LEPR: variants seen among roughly 807,000 people sequenced by gnomAD.
The protein encoded by LEPR is OB receptor.
A neutral mutation model predicts 114.7 loss-of-function variants in LEPR; 56 were observed. The observed-to-expected ratio is 0.49, with a 90% CI of 0.39 to 0.61. LEPR has a LOEUF of 0.61. LEPR is among the 20% of genes least tolerant of loss of function. LEPR has a pLI of 0.00. For synonymous variants in LEPR, 443 were observed against 461.4 expected, an observed-to-expected ratio of 0.96 and a Z score of 0.51; for missense variants, 1,202 against 1,352.9, an observed-to-expected ratio of 0.89 and a Z score of 1.75.
At chr1:65,452,593 G>T (rs552840252) in intron 2 of LEPR, among the ~76,000 whole-genome samples, 1 of 151,764 alleles carries the variant, frequency 6.6e-6, no homozygotes. Context: ...ATTGATTTGC[G>T]TATATTGAAC....
chr1:65,567,431 C>T (rs1241387051), intron 3 of LEPR, among the ~76,000 whole-genome samples: 1 of 152,086 alleles, frequency 6.6e-6, no homozygotes, highest in Non-Finnish European at 1.5e-5. Context: ...TTGAGGTGTT[C>T]TGATTTTAGA....
Position 65,565,553 on chromosome 1 carries a change from T to G in LEPR, c.-13T>G. ...TAGATTTACCTTTTCCAGGTGTACTTCTCTGAAGTAAGATGATTTGTCAAA... is the reference window on the plus strand; with the variant it reads ...TAGATTTACCTTTTCCAGGTGTACTGCTCTGAAGTAAGATGATTTGTCAAA... On this transcript the variant is annotated 5_prime_UTR_variant, in exon 3 of 20. Coordinates refer to ENST00000349533, the MANE Select transcript of LEPR (RefSeq NM_002303.6). The G allele has an allele frequency of 6.2e-7, 1 of 1,613,902 alleles. No homozygotes were observed. The highest frequency in any genetic ancestry group is 8.5e-7 in the Non-Finnish European group (1 of 1,179,918).
At chr1:65,518,915 T>TTTTCTTTCTTTCTC (rs1649460806) in intron 2 of LEPR, among the ~76,000 whole-genome samples, 1 of 81,192 alleles carries the variant, frequency 1.2e-5, no homozygotes, top group African/African-American at 3.9e-5. Flanking sequence ...CTTTCTTTCT[T>TTTTCTTTCTTTCTC]TCTCTCTTTC....
chr1:65,629,120 T>G (rs1469046216), intron 19 of LEPR, among the ~76,000 whole-genome samples: 1 of 152,152 alleles, frequency 6.6e-6, no homozygotes, highest in Non-Finnish European at 1.5e-5. Flanking sequence ...CATATTGTCT[T>G]GTCACTTTTT....
At chr1:65,470,575 C>T (rs1647070960) in intron 2 of LEPR, among the ~76,000 whole-genome samples, 1 of 152,168 alleles carries the variant, frequency 6.6e-6, no homozygotes. Context: ...CAAACCCTTG[C>T]TCCCCTTCCT....
intron 2 of LEPR, among the ~76,000 whole-genome samples, chr1:65,548,645 G>A (rs1329436949): frequency 6.6e-6 from 1 of 151,754 alleles, no homozygotes; most frequent in South Asian, 2.1e-4. Context: ...GTCTTTTTTT[G>A]TTTTCCATTT....
At chr1:65,477,537 G>A (rs1647173094) in intron 2 of LEPR, among the ~76,000 whole-genome samples, 1 of 152,166 alleles carries the variant, frequency 6.6e-6, no homozygotes, top group African/African-American at 2.4e-5. Flanking sequence ...TAATGGGTGG[G>A]ACCTTGAGTC....
At chr1:65,519,952 C>T (rs1411169957) in intron 2 of LEPR, among the ~76,000 whole-genome samples, 1 of 152,120 alleles carries the variant, frequency 6.6e-6, no homozygotes, top group East Asian at 1.9e-4. Context: ...CAACCTCCAC[C>T]TCCTGGGTTC....
intron 7 of LEPR, among the ~76,000 whole-genome samples, chr1:65,598,133 T>C (rs1049501226): frequency 3.1e-5 from 4 of 129,860 alleles, no homozygotes; most frequent in African/African-American, 1.2e-4. Flanking sequence ...GAGGTATCAC[T>C]ATGTTGCTCA....
chr1:65,483,445 T>A (rs1185397759), intron 2 of LEPR, among the ~76,000 whole-genome samples: 5 of 152,122 alleles, frequency 3.3e-5, no homozygotes, highest in African/African-American at 1.2e-4. Context: ...AGATTCAGCA[T>A]GGAATTAACC....
In LEPR at chr1:65,472,384, T is replaced by TAGA. The variant is rs1287300125; in HGVS notation, c.-21+47006_-21+47007insAGA. On this transcript the variant is annotated intron_variant, in intron 2 of 19. Coordinates refer to ENST00000349533, the MANE Select transcript of LEPR (RefSeq NM_002303.6). ...TTCTTCCCAATCCAACTAACCTTAT[T>TAGA]CCTCTGGGTCATTTAGCTGTGGCTA... Among the ~76,000 whole-genome samples, 8 of 147,294 alleles carry TAGA rather than the reference T, an allele frequency of 5.4e-5. No individual in the cohort carries two copies. In the East Asian group the frequency reaches 1.6e-3, roughly 29 times the overall value.
intron 2 of LEPR, among the ~76,000 whole-genome samples, chr1:65,490,194 A>G (rs1441218039): frequency 1.3e-5 from 2 of 152,080 alleles, no homozygotes; most frequent in Admixed American, 6.6e-5. Flanking sequence ...GTAAATATCC[A>G]ATAGGTCATC....
chr1:65,494,557 T>C (rs1648053575), intron 2 of LEPR, among the ~76,000 whole-genome samples: 1 of 152,302 alleles, frequency 6.6e-6, no homozygotes, highest in Middle Eastern at 3.4e-3. Flanking sequence ...CTTAAGGCAG[T>C]TGTCTGTATG....
intron 2 of LEPR, among the ~76,000 whole-genome samples, chr1:65,475,281 C>A (rs952450256): frequency 1.3e-5 from 2 of 152,272 alleles, no homozygotes; most frequent in South Asian, 4.1e-4. Flanking sequence ...CCTCTGGAGG[C>A]AGCACTATGA....
Position 65,639,854 on chromosome 1 carries a change from A to G in LEPR, c.*2839A>G, listed in dbSNP as rs1168783212. 6.6e-6 allele frequency: 1 copy of G among 152,174 alleles called. No individual in the cohort carries two copies. The highest frequency in any genetic ancestry group is 1.5e-5 in the Non-Finnish European group (1 of 68,024). 9.4% of individuals were successfully genotyped at this position (152,174 alleles called of 1,614,324 possible). A position where few individuals can be genotyped will look rare whatever the true frequency, so the allele number is the denominator to read the frequency against. ...ATTTCTAACTTAAACCCCCAAGAAC[A>G]ATGAAAAAGTTGACGTACATGTCAC... On this transcript the variant is annotated 3_prime_UTR_variant, in exon 20 of 20. Transcript: ENST00000349533.
chr1:65,558,556 T>G (rs1356648107), intron 2 of LEPR, among the ~76,000 whole-genome samples: 14 of 81,174 alleles, frequency 1.7e-4, no homozygotes, highest in South Asian at 4.7e-4. Flanking sequence ...TTTGTTTTTT[T>G]TTTTTTTTAT....
chr1:65,623,019 G>A (rs374728492), intron 19 of LEPR, 38 bp downstream of exon 19: 75 of 1,587,112 alleles, frequency 4.7e-5, no homozygotes, highest in Non-Finnish European at 6.3e-5. Flanking sequence ...GAATATATAC[G>A]ATTGCAATCT....
Position 65,633,463 on chromosome 1 carries a change from G to A in LEPR, c.2674-2728G>A. 1 of 1,210,766 alleles carries A rather than the reference G, an allele frequency of 8.3e-7. No homozygotes were observed. Among genetic ancestry groups the A allele is most frequent in the Non-Finnish European group, 1.0e-6 (1 of 972,678 alleles). The allele number at this position is 1,210,766 out of a possible 1,614,324, so 75.0% of individuals were successfully genotyped here. On this transcript the variant is annotated intron_variant, in intron 19 of 19. Transcript: ENST00000349533. The surrounding 1 kb of genome is among the most constrained non-coding windows in gnomAD (Gnocchi z 4.1). ...TGGCTTTTGATTTGTCATATTCCTGGTCATAAAACATTAAGAAAATTATGG... is the reference window on the plus strand; with the variant it reads ...TGGCTTTTGATTTGTCATATTCCTGATCATAAAACATTAAGAAAATTATGG...
intron 12 of LEPR, among the ~76,000 whole-genome samples, chr1:65,609,205 G>T (rs1057223694): frequency 1.3e-5 from 2 of 151,894 alleles, no homozygotes; most frequent in African/African-American, 4.8e-5. Context: ...GTGTAGTCAC[G>T]GTATACATAT....
Sources: gnomAD v4.1 joint callset for allele counts (sites outside exome capture counted in the v4.1 genomes callset) on GRCh38, gnomAD v4.1.1 for gene constraint, Gnocchi (gnomAD v3.1) non-coding constraint, MANE v1.5 for transcripts, NCBI Gene and HGNC (gene_info 2026-07-23, HGNC 2026-07-21) for gene names.